The following PHACTR2 variants were observed in gnomAD, a reference collection of about 807,000 sequenced individuals.
PHACTR2 encodes chromosome 6 open reading frame 56.
PHACTR2 carries 30 observed loss-of-function variants against 76.0 expected under a neutral mutation model. The ratio of observed to expected loss-of-function variants is 0.39; its 90% CI spans 0.30 to 0.54. The LOEUF (loss-of-function observed/expected upper bound fraction) is 0.54, where lower values mean the gene tolerates loss of function less well. Among genes scored for constraint, PHACTR2 ranks in the 20% least tolerant of loss-of-function variants. The pLI, the probability that PHACTR2 is intolerant of heterozygous loss-of-function variation, is 0.61. For synonymous variants in PHACTR2, 292 were observed against 292.5 expected (o/e 1.00, Z 0.02); for missense variants, 696 against 781.1 (o/e 0.89, Z 1.30).
rs1192873167 is a variant in PHACTR2, at chr6:143,543,184, G to A, written c.217+5977G>A. 6.6e-6 allele frequency among the ~76,000 whole-genome samples: 1 copy of A among 152,210 alleles called. No individual in the cohort carries two copies. The highest frequency in any genetic ancestry group is 2.4e-5 in the African/African-American group (1 of 41,448). On this transcript the variant is annotated intron_variant, in intron 1 of 11. Transcript: ENST00000367584. This position sits in a 1 kb window ranked among gnomAD's most constrained non-coding sequence, Gnocchi z 4.7. ...ATGATGACTGTTCTTGTTTTCAGAG[G>A]ATGCATGAAGAGCTAATTTACTTAA... is the stretch of plus-strand genomic sequence containing the variant.
Position 143,671,948 on chromosome 6 carries a change from A to G in PHACTR2, c.14-40068A>G, listed in dbSNP as rs1777160499. 6.6e-6 allele frequency among the ~76,000 whole-genome samples: 1 copy of G among 151,010 alleles called. No individual in the cohort carries two copies. The highest frequency in any genetic ancestry group is 1.9e-4 in the East Asian group (1 of 5,178). On this transcript the variant is annotated intron_variant, in intron 1 of 11. Coordinates refer to the PHACTR2 transcript ENST00000305766. The surrounding 1 kb of genome is among the most constrained non-coding windows in gnomAD (Gnocchi z 4.6). Reference sequence around the variant, plus strand: ...AGCAACATGGATGAATATCAAAAACATATGAAACAAGCCAGATTAAAAAAA... The same window carrying G: ...AGCAACATGGATGAATATCAAAAACGTATGAAACAAGCCAGATTAAAAAAA...
Position 143,627,598 on chromosome 6 carries a change from A to G in PHACTR2, c.13+19276A>G. ...AGTACATTCACAATGTTGTACAACC[A>G]CCACTTCCTTTTTTTTTTTTTGAGA... On this transcript the variant is annotated intron_variant, in intron 1 of 11. Coordinates refer to the PHACTR2 transcript ENST00000305766. This position sits in a 1 kb window ranked among gnomAD's most constrained non-coding sequence, Gnocchi z 4.3. Among the ~76,000 whole-genome samples, 1 of 131,218 alleles carries G rather than the reference A, an allele frequency of 7.6e-6. No individual in the cohort carries two copies. The highest frequency in any genetic ancestry group is 1.6e-5 in the Non-Finnish European group (1 of 61,706). 86.1% of individuals were successfully genotyped at this position (131,218 alleles called of 152,430 possible). A position where few individuals can be genotyped will look rare whatever the true frequency, so the allele number is the denominator to read the frequency against.
intron 2 of PHACTR2, among the ~76,000 whole-genome samples, chr6:143,717,695 C>A (rs1156914738): frequency 6.6e-6 from 1 of 151,978 alleles, no homozygotes; most frequent in Non-Finnish European, 1.5e-5. Context: ...ACCTGAGCCT[C>A]CCAAATAGCC....
rs1776629815 is a variant in PHACTR2, at chr6:143,830,044, G to A, written c.*6355G>A. 1 of 152,096 alleles carries A rather than the reference G, an allele frequency of 6.6e-6. No homozygotes were observed. The highest frequency in any genetic ancestry group is 3.2e-3 in the Middle Eastern group (1 of 314). The allele number at this position is 152,096 out of a possible 1,614,324, so 9.4% of individuals were successfully genotyped here. A position where few individuals can be genotyped will look rare whatever the true frequency, so the allele number is the denominator to read the frequency against. On this transcript the variant is annotated 3_prime_UTR_variant, in exon 13 of 13. Coordinates refer to ENST00000440869, the MANE Select transcript of PHACTR2 (RefSeq NM_001100164.2). The stretch of plus-strand genomic sequence containing the variant: ...TATAGTTTGACTATGTCATTATGTT[G>A]TTTAGAGAGCCTCCACAATGAGAAG...
At position 143,547,795 on chromosome 6, in the gene PHACTR2, G is replaced by A. The variant is rs1418959494; in HGVS notation, c.217+10588G>A. Among the ~76,000 whole-genome samples, 2 of 152,136 alleles carry A rather than the reference G, an allele frequency of 1.3e-5. No homozygotes were observed. Among genetic ancestry groups the A allele is most frequent in the African/African-American group, 4.8e-5 (2 of 41,420 alleles). On this transcript the variant is annotated intron_variant, in intron 1 of 11. Transcript: ENST00000367584. The surrounding 1 kb of genome is among the most constrained non-coding windows in gnomAD (Gnocchi z 4.2). ...CAGGAACTGATACATTGATACATTG[G>A]TTGTGATCAAGGAGGGCACTCTCTT...
rs1776548939 is a variant in PHACTR2, at chr6:143,827,153, AAAATATATATATATAT to A, written c.*3466_*3481del. The stretch of plus-strand genomic sequence containing the variant: ...CAGGGCTGCGTTGGCATTAAAAAAG[AAAATATATATATATAT>A]ATATATATATATATATATATATATA... On this transcript the variant is annotated 3_prime_UTR_variant, in exon 13 of 13. Transcript: ENST00000440869. 1.7e-4 allele frequency: 9 copies of A among 54,126 alleles called. No homozygotes were observed. The South Asian group carries it at 7.0e-3, about 42-fold the overall frequency. The allele number at this position is 54,126 out of a possible 1,614,324, so 3.4% of individuals were successfully genotyped here.
rs1562300768 is a variant in PHACTR2 at position 143,771,178 on chromosome 6, A to ATATATG, written c.1233-1075_1233-1074insGTATAT. ...TATATGTATATATATATATATGTATATATATATATATGTGTGTATATATAT... is the reference window on the plus strand; with the variant it reads ...TATATGTATATATATATATATGTATATATATGTATATATATATGTGTGTATATATAT... On this transcript the variant is annotated intron_variant, in intron 6 of 12. Transcript: ENST00000440869. 6.4e-3 allele frequency among the ~76,000 whole-genome samples: 168 copies of ATATATG among 26,096 alleles called. 5 individuals are homozygous for ATATATG. The highest frequency in any genetic ancestry group is 0.025 in the African/African-American group (148 of 5,956). 17.1% of individuals were successfully genotyped at this position (26,096 alleles called of 152,430 possible).
chr6:143,642,249 C>T (rs759232243), intron 1 of PHACTR2, among the ~76,000 whole-genome samples: 23 of 152,304 alleles, frequency 1.5e-4, no homozygotes, highest in South Asian at 4.1e-4. Context: ...GAAGATCCAG[C>T]TTCTGTACCA....
Position 143,709,416 on chromosome 6 carries a change from C to A in PHACTR2, c.47-2600C>A, listed in dbSNP as rs1460764211. ...GAACTCATAAGGATTTAGGAAGTGG[C>A]ATCTATTGATTGTCTGTCTTCATTC... is the stretch of plus-strand genomic sequence containing the variant. On this transcript the variant is annotated intron_variant, in intron 1 of 12. Coordinates refer to ENST00000440869, the MANE Select transcript of PHACTR2 (RefSeq NM_001100164.2). The surrounding 1 kb of genome is among the most constrained non-coding windows in gnomAD (Gnocchi z 4.4). Among the ~76,000 whole-genome samples, 1 of 152,166 alleles carries A rather than the reference C, an allele frequency of 6.6e-6. No individual in the cohort carries two copies. The highest frequency in any genetic ancestry group is 2.4e-5 in the African/African-American group (1 of 41,432).
intron 12 of PHACTR2, among the ~76,000 whole-genome samples, chr6:143,808,773 T>C (rs1582902113): frequency 6.6e-6 from 1 of 152,332 alleles, no homozygotes; most frequent in East Asian, 1.9e-4. Context: ...TCCAACATCC[T>C]GAATGGATTT....
Position 143,827,158 on chromosome 6 carries a change from ATAT to A in PHACTR2, c.*3470_*3472del, listed in dbSNP as rs1562322640. ...CTGCGTTGGCATTAAAAAAGAAAAT[ATAT>A]ATATATATATATATATATATATATA... On this transcript the variant is annotated 3_prime_UTR_variant, in exon 13 of 13. Coordinates refer to ENST00000440869, the MANE Select transcript of PHACTR2 (RefSeq NM_001100164.2). 6.7e-3 allele frequency: 226 copies of A among 33,804 alleles called. 3 individuals are homozygous for A. The highest frequency in any genetic ancestry group is 0.026 in the African/African-American group (215 of 8,168). The allele number at this position is 33,804 out of a possible 1,614,324, so 2.1% of individuals were successfully genotyped here.
chr6:143,701,259 A>C (rs1206172576), intron 1 of PHACTR2, among the ~76,000 whole-genome samples: 3 of 152,230 alleles, frequency 2.0e-5, no homozygotes, highest in Non-Finnish European at 2.9e-5. Context: ...GGAAGTCTTT[A>C]GTAGCTTTTC....
rs1777297592 is a variant in PHACTR2 at position 143,678,258 on chromosome 6, TGGCGGCGGGGCCCCGGGGC to T, written c.46+50_46+68del. 4 of 1,396,294 alleles carry T rather than the reference TGGCGGCGGGGCCCCGGGGC, an allele frequency of 2.9e-6. No homozygotes were observed. The highest frequency in any genetic ancestry group is 3.7e-6 in the Non-Finnish European group (4 of 1,077,778). The allele number at this position is 1,396,294 out of a possible 1,614,324, so 86.5% of individuals were successfully genotyped here. The stretch of plus-strand genomic sequence containing the variant: ...CGCTCCCGCCGCGCGGGCGCAGGGC[TGGCGGCGGGGCCCCGGGGC>T]AGGCAGGGTTAGTCGTCTGGTCGGG... On this transcript the variant is annotated intron_variant, in intron 1 of 12. Coordinates refer to ENST00000440869, the MANE Select transcript of PHACTR2 (RefSeq NM_001100164.2). The surrounding 1 kb of genome is among the most constrained non-coding windows in gnomAD (Gnocchi z 6.2).
rs1052025293 is a variant in PHACTR2 at position 143,654,185 on chromosome 6, A to G, written c.13+45863A>G. Reference sequence around the variant, plus strand: ...CCACTTTATACCCATGGGAATGTCTATAATCAGAAAGACAGGTAATAACAA... The same window carrying G: ...CCACTTTATACCCATGGGAATGTCTGTAATCAGAAAGACAGGTAATAACAA... On this transcript the variant is annotated intron_variant, in intron 1 of 11. Coordinates refer to the PHACTR2 transcript ENST00000305766. The surrounding 1 kb of genome is among the most constrained non-coding windows in gnomAD (Gnocchi z 4.6). Among the ~76,000 whole-genome samples, 10 of 152,232 alleles carry G rather than the reference A, an allele frequency of 6.6e-5. No individual in the cohort carries two copies. The highest frequency in any genetic ancestry group is 2.2e-4 in the African/African-American group (9 of 41,470).
At chr6:143,636,746 A>C (rs937015417) in intron 1 of PHACTR2, among the ~76,000 whole-genome samples, 1 of 152,206 alleles carries the variant, frequency 6.6e-6, no homozygotes, top group Admixed American at 6.5e-5. Flanking sequence ...TCATTTGTAT[A>C]TTATTGTTTT....
rs1776353124 is a variant in PHACTR2 at position 143,818,710 on chromosome 6, C to G, written c.1923-4964C>G. On this transcript the variant is annotated intron_variant, in intron 12 of 12. Coordinates refer to ENST00000440869, the MANE Select transcript of PHACTR2 (RefSeq NM_001100164.2). The surrounding 1 kb of genome is among the most constrained non-coding windows in gnomAD (Gnocchi z 4.9). ...AATGAGTGCCGAGTGCAGGGAGAAG[C>G]CCAATCAGATCTCGTGAGTACTCAC... is the stretch of plus-strand genomic sequence containing the variant. Among the ~76,000 whole-genome samples the G allele has an allele frequency of 6.6e-6, 1 of 152,066 alleles. No individual in the cohort carries two copies. The highest frequency in any genetic ancestry group is 1.5e-5 in the Non-Finnish European group (1 of 68,030).
intron 4 of PHACTR2, among the ~76,000 whole-genome samples, chr6:143,758,462 A>C (rs1779356700): frequency 6.6e-6 from 1 of 152,198 alleles, no homozygotes; most frequent in Non-Finnish European, 1.5e-5. Flanking sequence ...AAATTAATGT[A>C]TATTTATATA....
In PHACTR2 at chr6:143,825,578, T is replaced by C. The variant is rs1776515707; in HGVS notation, c.*1889T>C. ...GTCTCTGGCTGAGGTTTTGTCTATT[T>C]TACAGTGTTTCAATCCAGCCATAAA... On this transcript the variant is annotated 3_prime_UTR_variant, in exon 13 of 13. Coordinates refer to ENST00000440869, the MANE Select transcript of PHACTR2 (RefSeq NM_001100164.2). This position sits in a 1 kb window ranked among gnomAD's most constrained non-coding sequence, Gnocchi z 4.1. The C allele has an allele frequency of 6.6e-6, 1 of 152,190 alleles. No homozygotes were observed. The highest frequency in any genetic ancestry group is 1.5e-5 in the Non-Finnish European group (1 of 68,030). 9.4% of individuals were successfully genotyped at this position (152,190 alleles called of 1,614,324 possible).
upstream of PHACTR2, among the ~76,000 whole-genome samples, chr6:143,607,216 T>C (rs934090591): frequency 6.6e-6 from 1 of 152,246 alleles, no homozygotes; most frequent in Non-Finnish European, 1.5e-5. Flanking sequence ...AGCCTAACTA[T>C]ACTGTGGATT....
Sources: gnomAD v4.1 joint callset for allele counts (sites outside exome capture counted in the v4.1 genomes callset) on GRCh38, gnomAD v4.1.1 for gene constraint, Gnocchi (gnomAD v3.1) non-coding constraint, MANE v1.5 for transcripts, NCBI Gene and HGNC (gene_info 2026-07-23, HGNC 2026-07-21) for gene names.